SPEF2: variants seen among roughly 807,000 people sequenced by gnomAD.
The protein encoded by SPEF2 is sperm flagellar and cilia associated 2.
Under a neutral mutation model 224.6 loss-of-function variants are expected in SPEF2, and 187 were observed. That is an observed-to-expected ratio of 0.83 (90% CI 0.74 to 0.94). SPEF2 has a LOEUF of 0.94. Among genes scored for constraint, SPEF2 ranks in the 40% least tolerant of loss-of-function variants. The probability of loss-of-function intolerance (pLI) is 0.00; values close to 1 mark genes in which losing one functional copy is unlikely to be tolerated. For missense variants in SPEF2, 2,170 were observed against 2,135.6 expected (o/e 1.02, Z -0.32); for synonymous variants, 715 against 707.3 (o/e 1.01, Z -0.17).
intron 10 of SPEF2, chr5:35,675,781 G>C: frequency 2.7e-6 from 1 of 373,686 alleles, no homozygotes; most frequent in South Asian, 2.0e-5. Flanking sequence ...TAACAGAGCA[G>C]AACATCAATG....
At chr5:35,715,522 A>G (rs1580418897) in intron 20 of SPEF2, among the ~76,000 whole-genome samples, 2 of 152,116 alleles carry the variant, frequency 1.3e-5, no homozygotes, top group Non-Finnish European at 2.9e-5. Flanking sequence ...ATCCTAGGTG[A>G]TAAATTTCGT....
intron 21 of SPEF2, among the ~76,000 whole-genome samples, chr5:35,737,913 G>A (rs1437650061): frequency 6.6e-6 from 1 of 152,106 alleles, no homozygotes; most frequent in Non-Finnish European, 1.5e-5. Flanking sequence ...ATTCTAACTG[G>A]TGTGAGATGG....
chr5:35,690,841 C>G (rs925457897), intron 10 of SPEF2, among the ~76,000 whole-genome samples, 196 bp from the exon 11 acceptor site: 1 of 151,684 alleles, frequency 6.6e-6, no homozygotes, highest in Non-Finnish European at 1.5e-5. Flanking sequence ...TTTTTCTTTG[C>G]TTTTATGTAG....
intron 20 of SPEF2, among the ~76,000 whole-genome samples, chr5:35,715,728 C>A (rs1742417033): frequency 6.6e-6 from 1 of 150,814 alleles, no homozygotes; most frequent in African/African-American, 2.4e-5. Flanking sequence ...TGAACTTCTA[C>A]TTTAAGTTAT....
chr5:35,776,213 G>A (rs778916392), intron 28 of SPEF2, 44 bp from the exon 29 acceptor site: 2 of 1,567,800 alleles, frequency 1.3e-6, no homozygotes, highest in Non-Finnish European at 1.7e-6. Context: ...GTAAATGCAT[G>A]CACTGCAATA....
rs748791192 is a variant in SPEF2 at position 35,675,036 on chromosome 5, A to ATT, written c.1524+4810_1524+4811insTT. 7.9e-4 allele frequency among the ~76,000 whole-genome samples: 120 copies of ATT among 152,312 alleles called. 1 individual carries two copies. The highest frequency in any genetic ancestry group is 1.1e-3 in the Non-Finnish European group (73 of 68,022). ...ATTATTCATTTTAATATAAATGTAT[A>ATT]TAATTGCATTGTGTAGTACTGGAGG... On this transcript the variant is annotated intron_variant, in intron 10 of 36. Coordinates refer to ENST00000356031, the MANE Select transcript of SPEF2 (RefSeq NM_024867.4).
chr5:35,630,024 A>G (rs918030559), intron 2 of SPEF2, among the ~76,000 whole-genome samples: 7 of 152,198 alleles, frequency 4.6e-5, no homozygotes, highest in East Asian at 1.9e-4. Flanking sequence ...TCAAAACCCA[A>G]TAGGGCAGTC....
At chr5:35,762,043 C>T (rs1156587992) in intron 25 of SPEF2, among the ~76,000 whole-genome samples, 1 of 151,946 alleles carries the variant, frequency 6.6e-6, no homozygotes, top group African/African-American at 2.4e-5. Context: ...TCCCAACAAC[C>T]CTATAGCAAT....
At chr5:35,696,666 A>G (rs1488594664) in intron 14 of SPEF2, among the ~76,000 whole-genome samples, 1 of 152,166 alleles carries the variant, frequency 6.6e-6, no homozygotes, top group Non-Finnish European at 1.5e-5. Context: ...TTTACATTCT[A>G]ATGGAGAGAG....
At chr5:35,703,330 T>C (rs1422419731) in intron 16 of SPEF2, among the ~76,000 whole-genome samples, 1 of 152,104 alleles carries the variant, frequency 6.6e-6, no homozygotes. Context: ...GAACTTGAAG[T>C]GTTCATTCAT....
intron 32 of SPEF2, among the ~76,000 whole-genome samples, chr5:35,795,431 A>G (rs941797925): frequency 1.2e-4 from 19 of 152,246 alleles, no homozygotes; most frequent in South Asian, 8.3e-4. Context: ...CTCCTAATCT[A>G]TGGATACTTA....
At chr5:35,649,460 G>A (rs767717209) in intron 6 of SPEF2, 35 bp downstream of exon 6, 35 of 1,528,662 alleles carry the variant, frequency 2.3e-5, no homozygotes, top group African/African-American at 1.9e-4. Context: ...TTACAAAACC[G>A]CATTCTGTTC....
chr5:35,718,472 G>A lies in SPEF2; in HGVS notation c.2914+5586G>A, dbSNP rs143672756. Among the ~76,000 whole-genome samples, 481 of 152,242 alleles carry A rather than the reference G, an allele frequency of 3.2e-3. 4 individuals are homozygous for A. Among genetic ancestry groups the A allele is most frequent in the African/African-American group, 0.011 (456 of 41,550 alleles). ...AGGGGAGCAGGCATCCCTGGTTCCCGTTTCTTCCTAGCAAATAACCAGGGT... is the reference window on the plus strand; with the variant it reads ...AGGGGAGCAGGCATCCCTGGTTCCCATTTCTTCCTAGCAAATAACCAGGGT... On this transcript the variant is annotated intron_variant, in intron 20 of 36. Coordinates refer to ENST00000356031, the MANE Select transcript of SPEF2 (RefSeq NM_024867.4).
chr5:35,757,073 TAAC>T (rs1484305710), intron 24 of SPEF2, among the ~76,000 whole-genome samples: 1 of 151,998 alleles, frequency 6.6e-6, no homozygotes, highest in African/African-American at 2.4e-5. Context: ...TTGTTTTTAA[TAAC>T]TATTAAAAAT....
chr5:35,709,796 A>C, intron 19 of SPEF2: 3 of 985,380 alleles, frequency 3.0e-6, no homozygotes, highest in Non-Finnish European at 3.6e-6. Flanking sequence ...GTTGTAATGC[A>C]TGATATTGGT....
chr5:35,806,913 A>G lies in SPEF2; in HGVS notation c.5217A>G (p.Arg1739=), dbSNP rs555353539. Residue 1739 remains arginine (R), a synonymous_variant, in exon 35 of 37, where the codon AGA becomes AGG. Coordinates refer to ENST00000356031, the MANE Select transcript of SPEF2 (RefSeq NM_024867.4). ...KGGSEAQDSN[R]FASHLKIENI... Reference sequence around the variant, plus strand: ...GAAGTGAAGCACAGGACTCCAATAGATTTGCCAGCCACCTAAAGATAGAGA... The same window carrying G: ...GAAGTGAAGCACAGGACTCCAATAGGTTTGCCAGCCACCTAAAGATAGAGA... 1 of 1,611,764 alleles carries G rather than the reference A, an allele frequency of 6.2e-7. No homozygotes were observed. The highest frequency in any genetic ancestry group is 1.1e-5 in the South Asian group (1 of 90,150).
chr5:35,619,160 G>A (rs1295721716), intron 1 of SPEF2, among the ~76,000 whole-genome samples: 2 of 152,170 alleles, frequency 1.3e-5, no homozygotes, highest in African/African-American at 4.8e-5. Flanking sequence ...CACTCCCTGT[G>A]AACTGCAATA....
chr5:35,802,524 G>GA (rs913906125), intron 34 of SPEF2, among the ~76,000 whole-genome samples: 71 of 148,216 alleles, frequency 4.8e-4, no homozygotes, highest in African/African-American at 1.5e-3. Context: ...AAATTCTATG[G>GA]AAAAAAAAAA....
At chr5:35,739,850 C>G in intron 21 of SPEF2, 69 bp from the exon 22 acceptor site, 2 of 1,577,000 alleles carry the variant, frequency 1.3e-6, no homozygotes, top group Non-Finnish European at 1.7e-6. Flanking sequence ...TGGGACTGTT[C>G]TTTTGACACT....
Sources: allele counts gnomAD v4.1 joint callset (sites outside exome capture counted in the v4.1 genomes callset), GRCh38; gene constraint gnomAD v4.1.1; transcripts MANE v1.5; gene names NCBI Gene and HGNC (gene_info 2026-07-23, HGNC 2026-07-21).